Variants in METTL22 observed in about 807,000 individuals in gnomAD.
The protein encoded by METTL22 is methyltransferase 22, Kin17 lysine, also known as methyltransferase-like protein 22.
A neutral mutation model predicts 48.4 loss-of-function variants in METTL22; 51 were observed. The ratio of observed to expected loss-of-function variants is 1.05; its 90% CI spans 0.84 to 1.33. The LOEUF (loss-of-function observed/expected upper bound fraction) is 1.33, where lower values mean the gene tolerates loss of function less well. Among genes scored for constraint, METTL22 ranks in the 40% most tolerant of loss-of-function variants. METTL22 has a pLI of 0.00. For missense variants in METTL22, 678 were observed against 526.9 expected (o/e 1.29, Z -2.81); for synonymous variants, 255 against 214.1 (o/e 1.19, Z -1.67).
chr16:8,661,613 C>G, the METTL22 span, among the ~76,000 whole-genome samples: 1 of 129,252 alleles, frequency 7.7e-6, no homozygotes, highest in African/African-American at 3.0e-5. Context: ...CCACTGCACT[C>G]CAGCCTGGGC....
chr16:8,661,073 G>T, the METTL22 span, among the ~76,000 whole-genome samples: 1 of 152,284 alleles, frequency 6.6e-6, no homozygotes, highest in East Asian at 1.9e-4. Flanking sequence ...CGCGGCTTGA[G>T]GGAAGCAGGG....
intron 10 of METTL22, 125 bp from the exon 11 acceptor site, chr16:8,645,976 TGCCCCAG>T: frequency 7.9e-7 from 1 of 1,263,524 alleles, no homozygotes; most frequent in Non-Finnish European, 9.8e-7. Flanking sequence ...CGTCCGCTCC[TGCCCCAG>T]CTCGCCTGCT....
the METTL22 span, among the ~76,000 whole-genome samples, chr16:8,658,792 C>G: frequency 6.6e-6 from 1 of 152,182 alleles, no homozygotes; most frequent in African/African-American, 2.4e-5. Context: ...TCTGGGAGGT[C>G]ATTGCACAAA....
chr16:8,637,256 A>T (rs185009807), intron 5 of METTL22, among the ~76,000 whole-genome samples: 4 of 152,282 alleles, frequency 2.6e-5, no homozygotes, highest in Non-Finnish European at 4.4e-5. Context: ...CTGTTTTCAA[A>T]TATGCTGTTA....
At chr16:8,632,896 C>T (rs546845474) in intron 3 of METTL22, among the ~76,000 whole-genome samples, 8 of 152,246 alleles carry the variant, frequency 5.3e-5, no homozygotes, top group Admixed American at 1.3e-4. Flanking sequence ...GCAGAACTTA[C>T]GTCCACGAGA....
At chr16:8,654,482 A>G (rs1596381235), downstream of METTL22, among the ~76,000 whole-genome samples, 3 of 152,356 alleles carry the variant, frequency 2.0e-5, no homozygotes, top group East Asian at 3.9e-4. Flanking sequence ...TTTTACAAAC[A>G]TGGGTTATTT....
the METTL22 span, among the ~76,000 whole-genome samples, chr16:8,665,111 A>G: frequency 6.7e-6 from 1 of 149,864 alleles, no homozygotes; most frequent in African/African-American, 2.5e-5. Flanking sequence ...CCTGGGCAAC[A>G]TGGTGAAACC....
chr16:8,660,087 A>T, the METTL22 span, among the ~76,000 whole-genome samples: 2 of 108,502 alleles, frequency 1.8e-5, no homozygotes, highest in African/African-American at 6.1e-5. Flanking sequence ...CTAGTAGGAA[A>T]ATCACCCCAA....
chr16:8,637,761 A>T (rs2056466753), intron 5 of METTL22, among the ~76,000 whole-genome samples: 1 of 152,196 alleles, frequency 6.6e-6, no homozygotes. Context: ...CAGGGCTCCT[A>T]CCCCACTCAG....
rs1212143999 is a variant in METTL22 at position 8,648,963 on chromosome 16, T to C, written c.*2820T>C. 1 of 152,376 alleles carries C rather than the reference T, an allele frequency of 6.6e-6. No homozygotes were observed. Among genetic ancestry groups the C allele is most frequent in the East Asian group, 1.9e-4 (1 of 5,184 alleles). 9.4% of individuals were successfully genotyped at this position (152,376 alleles called of 1,614,324 possible). A position where few individuals can be genotyped will look rare whatever the true frequency, so the allele number is the denominator to read the frequency against. On this transcript the variant is annotated 3_prime_UTR_variant, in exon 11 of 11. Coordinates refer to ENST00000381920, the MANE Select transcript of METTL22 (RefSeq NM_024109.4). ...TACACAAACTCCGTTCCTGACAGAC[T>C]TGCCATAATGGAGCAGCATTGCAGA...
At position 8,628,121 on chromosome 16, in the gene METTL22, T is replaced by G. The variant is rs562381469; in HGVS notation, c.134-609T>G. 2.3e-4 allele frequency among the ~76,000 whole-genome samples: 35 copies of G among 152,364 alleles called. No individual in the cohort carries two copies. The South Asian group carries it at 7.0e-3, about 31-fold the overall frequency. The stretch of plus-strand genomic sequence containing the variant: ...GTTGCCACATCTGTGTCACACAGAA[T>G]GCAGTTTTACTATATTCCTGGTAAT... On this transcript the variant is annotated intron_variant, in intron 2 of 10. Transcript: ENST00000381920.
chr16:8,663,585 G>A, the METTL22 span, among the ~76,000 whole-genome samples: 1 of 151,966 alleles, frequency 6.6e-6, no homozygotes, highest in Admixed American at 6.6e-5. Context: ...GCTGGGGGAG[G>A]TCCTCCCACT....
At chr16:8,665,885 C>A in the METTL22 span, among the ~76,000 whole-genome samples, 1 of 152,174 alleles carries the variant, frequency 6.6e-6, no homozygotes, top group Non-Finnish European at 1.5e-5. Flanking sequence ...GGATGAATAC[C>A]TGAGGGTGCG....
At chr16:8,656,688 G>A in the METTL22 span, among the ~76,000 whole-genome samples, 301 of 152,352 alleles carry the variant, frequency 2.0e-3, no homozygotes, top group African/African-American at 7.0e-3. Context: ...GCTGTGCCCT[G>A]CGGCTCCAAT....
downstream of METTL22, among the ~76,000 whole-genome samples, chr16:8,652,856 C>T (rs2056919422): frequency 6.6e-6 from 1 of 152,086 alleles, no homozygotes; most frequent in African/African-American, 2.4e-5. Flanking sequence ...CTGCAGCAGC[C>T]ATGTGTCCCC....
chr16:8,641,117 G>T lies in METTL22; in HGVS notation c.773-14G>T. On this transcript the variant is annotated splice_polypyrimidine_tract_variant and intron_variant, in intron 6 of 10. Transcript: ENST00000381920. ...TTAGAGTTTGGAAAGTTCTCTTTTTGTTTGTTTTTACAGGTGGTATAGTTA... is the reference window on the plus strand; with the variant it reads ...TTAGAGTTTGGAAAGTTCTCTTTTTTTTTGTTTTTACAGGTGGTATAGTTA... 2 of 1,613,340 alleles carry T rather than the reference G, an allele frequency of 1.2e-6. No individual in the cohort carries two copies. Among genetic ancestry groups the T allele is most frequent in the African/African-American group, 1.3e-5 (1 of 74,998 alleles).
Position 8,625,045 on chromosome 16 carries a change from C to T in METTL22, c.-170-451C>T, listed in dbSNP as rs542369986. Reference sequence around the variant, plus strand: ...CTGGGGGAAAAAAAACCTCAAAGACCTTTGGGAGACAGATGGAGGAAATTG... The same window carrying T: ...CTGGGGGAAAAAAAACCTCAAAGACTTTTGGGAGACAGATGGAGGAAATTG... On this transcript the variant is annotated intron_variant, in intron 1 of 10. Coordinates refer to ENST00000381920, the MANE Select transcript of METTL22 (RefSeq NM_024109.4). 2.5e-4 allele frequency among the ~76,000 whole-genome samples: 38 copies of T among 152,040 alleles called. 1 individual carries two copies. Among genetic ancestry groups the T allele is most frequent in the Admixed American group, 2.2e-3 (34 of 15,276 alleles).
Position 8,625,775 on chromosome 16 carries a change from G to T in METTL22, c.110G>T (p.Arg37Leu). 1 of 1,614,154 alleles carries T rather than the reference G, an allele frequency of 6.2e-7. No homozygotes were observed. The highest frequency in any genetic ancestry group is 8.5e-7 in the Non-Finnish European group (1 of 1,180,016). The change falls in exon 2 of 11, where the codon CGG becomes CTG. Residue 37 changes from arginine (R) to leucine (L), a missense_variant. Physicochemically the swap from Arg to Leu is moderately radical, Grantham distance 102. Coordinates refer to ENST00000381920, the MANE Select transcript of METTL22 (RefSeq NM_024109.4). Reference protein sequence around the residue: ...YTPNHRHLMVRLNSVGQPVFL... With the variant: ...YTPNHRHLMVLLNSVGQPVFL... ...CCGAACCATAGACATCTCATGGTAC[G>T]GCTGAACAGCGTGGGGCAGCCAGGT... is the stretch of plus-strand genomic sequence containing the variant.
chr16:8,635,272 C>T lies in METTL22; in HGVS notation c.660C>T (p.Ser220=), dbSNP rs1466428485. Residue 220 remains serine, a synonymous_variant, in exon 5 of 11, where the codon AGC becomes AGT. Coordinates refer to ENST00000381920, the MANE Select transcript of METTL22 (RefSeq NM_024109.4). The part of the protein sequence containing the change: ...LELGAGTGLA[S]IIAATMARTV... ...TCGGGGCCGGCACGGGGCTCGCTAG[C>T]ATCATCGCAGCCACCATGGCACGGA... 3 of 1,602,918 alleles carry T rather than the reference C, an allele frequency of 1.9e-6. No individual in the cohort carries two copies. The highest frequency in any genetic ancestry group is 1.7e-6 in the Non-Finnish European group (2 of 1,174,974).
Sources: gnomAD v4.1 joint callset for allele counts (sites outside exome capture counted in the v4.1 genomes callset) on GRCh38, gnomAD v4.1.1 for gene constraint, MANE v1.5 for transcripts, NCBI Gene and HGNC (gene_info 2026-07-23, HGNC 2026-07-21) for gene names.